AFG2A: variants seen among roughly 807,000 people sequenced by gnomAD.
AFG2A encodes ATPase family gene 2 protein homolog A.
At chr4:123,154,561 G>A in the AFG2A span, among the ~76,000 whole-genome samples, 3 of 151,954 alleles carry the variant, frequency 2.0e-5, no homozygotes, top group African/African-American at 7.3e-5. Flanking sequence ...CTGAATTTAA[G>A]GATTAAAAAC....
chr4:122,959,015 T>A, the AFG2A span, among the ~76,000 whole-genome samples: 1 of 152,164 alleles, frequency 6.6e-6, no homozygotes, highest in African/African-American at 2.4e-5. Context: ...AAAACACAGT[T>A]CTGGGGTCTA....
the AFG2A span, among the ~76,000 whole-genome samples, chr4:123,181,764 T>C: frequency 6.6e-6 from 1 of 152,192 alleles, no homozygotes; most frequent in African/African-American, 2.4e-5. Flanking sequence ...TGGGGTAGTT[T>C]GTATAATTGG....
At chr4:123,201,099 A>G in the AFG2A span, among the ~76,000 whole-genome samples, 1 of 152,236 alleles carries the variant, frequency 6.6e-6, no homozygotes, top group Non-Finnish European at 1.5e-5. Flanking sequence ...AAATCAGGAA[A>G]TACTAGTGTA....
chr4:122,923,106 G>T, the AFG2A span: 9 of 1,611,288 alleles, frequency 5.6e-6, no homozygotes, highest in East Asian at 6.7e-5. Context: ...ACATTGAGTC[G>T]GCTTTTCTAC....
At chr4:123,042,595 T>A in the AFG2A span, among the ~76,000 whole-genome samples, 9 of 152,212 alleles carry the variant, frequency 5.9e-5, no homozygotes, top group African/African-American at 2.2e-4. Flanking sequence ...ATGTCCATAA[T>A]TTTTGTCTGT....
chr4:123,110,624 A>G, the AFG2A span, among the ~76,000 whole-genome samples: 20 of 152,278 alleles, frequency 1.3e-4, no homozygotes, highest in African/African-American at 4.8e-4. Flanking sequence ...AATCAGAAAA[A>G]CCCAGAAATA....
the AFG2A span, among the ~76,000 whole-genome samples, chr4:123,195,355 C>A: frequency 6.6e-6 from 1 of 152,124 alleles, no homozygotes; most frequent in Non-Finnish European, 1.5e-5. Flanking sequence ...CATAAAACTT[C>A]ATGAGGTCAG....
chr4:122,956,475 A>G, the AFG2A span, among the ~76,000 whole-genome samples: 2 of 152,026 alleles, frequency 1.3e-5, no homozygotes, highest in Admixed American at 1.3e-4. Flanking sequence ...GGGGTATAAG[A>G]CTTTATAATT....
the AFG2A span, among the ~76,000 whole-genome samples, chr4:123,162,835 G>A: frequency 3.6e-4 from 55 of 152,190 alleles, no homozygotes; most frequent in African/African-American, 1.1e-3. Flanking sequence ...TCTGGGTCAT[G>A]GTTTAATCAT....
At chr4:123,142,100 G>A in the AFG2A span, among the ~76,000 whole-genome samples, 1 of 152,066 alleles carries the variant, frequency 6.6e-6, no homozygotes, top group Non-Finnish European at 1.5e-5. Flanking sequence ...TTATATTTTT[G>A]CGAAGAATTT....
At chr4:122,923,481 CGCCTGCACTGGAGAA>C in the AFG2A span, among the ~76,000 whole-genome samples, 1 of 152,132 alleles carries the variant, frequency 6.6e-6, no homozygotes, top group Non-Finnish European at 1.5e-5. Flanking sequence ...AACGTAGCCG[CGCCTGCACTGGAGAA>C]GTTAGGCTGA....
chr4:122,974,271 A>C, the AFG2A span, among the ~76,000 whole-genome samples: 1 of 152,200 alleles, frequency 6.6e-6, no homozygotes, highest in East Asian at 1.9e-4. Context: ...GATATAAAAA[A>C]AAGTGGCAGG....
chr4:123,140,169 C>G, the AFG2A span, among the ~76,000 whole-genome samples: 1 of 152,020 alleles, frequency 6.6e-6, no homozygotes, highest in East Asian at 1.9e-4. Context: ...GAATATCTAA[C>G]CTTTAGTTGA....
chr4:123,174,285 A>G, the AFG2A span, among the ~76,000 whole-genome samples: 1 of 152,234 alleles, frequency 6.6e-6, no homozygotes, highest in Non-Finnish European at 1.5e-5. Flanking sequence ...TAATAGCTTT[A>G]TGGAACAAAT....
At chr4:123,217,136 C>T in the AFG2A span, among the ~76,000 whole-genome samples, 3,218 of 152,240 alleles carry the variant, frequency 0.021, 62 homozygotes, top group Non-Finnish European at 0.035. Context: ...TAACTTGTTA[C>T]ACACTTCCTC....
chr4:123,238,688 C>T, the AFG2A span, among the ~76,000 whole-genome samples: 1 of 152,182 alleles, frequency 6.6e-6, no homozygotes, highest in Non-Finnish European at 1.5e-5. Flanking sequence ...AGGTCACCAA[C>T]ATCAAAGACC....
At chr4:123,008,031 A>T in the AFG2A span, among the ~76,000 whole-genome samples, 2 of 152,006 alleles carry the variant, frequency 1.3e-5, no homozygotes, top group African/African-American at 4.8e-5. Context: ...TCCATTTAGT[A>T]TTGCTATAGA....
chr4:123,023,954 C>T, the AFG2A span, among the ~76,000 whole-genome samples: 7 of 151,972 alleles, frequency 4.6e-5, no homozygotes, highest in African/African-American at 1.2e-4. Context: ...TGCCCCCCAC[C>T]GAGAGCGCAT....
the AFG2A span, among the ~76,000 whole-genome samples, chr4:123,061,281 T>C: frequency 6.6e-6 from 1 of 152,238 alleles, no homozygotes; most frequent in Non-Finnish European, 1.5e-5. Flanking sequence ...TTTTCAGGTA[T>C]CTTTACAGCA....
Sources: gnomAD v4.1 joint callset for allele counts (sites outside exome capture counted in the v4.1 genomes callset) on GRCh38, gnomAD v4.1.1 for gene constraint, MANE v1.5 for transcripts, NCBI Gene and HGNC (gene_info 2026-07-23, HGNC 2026-07-21) for gene names.